Variants in DNAI7 observed in about 807,000 individuals in gnomAD.
DNAI7 encodes cancer susceptibility 1.
Under a neutral mutation model 86.6 loss-of-function variants are expected in DNAI7, and 78 were observed. That is an observed-to-expected ratio of 0.90 (90% confidence interval 0.75 to 1.09). DNAI7 has a LOEUF of 1.09. DNAI7 is among the 50% of genes least tolerant of loss of function. The pLI, the probability that DNAI7 is intolerant of heterozygous loss-of-function variation, is 0.00. For synonymous variants in DNAI7, 274 were observed against 273.0 expected, an observed-to-expected ratio of 1.00 and a Z score of -0.04; for missense variants, 753 against 810.2, an observed-to-expected ratio of 0.93 and a Z score of 0.86.
intron 9 of DNAI7, among the ~76,000 whole-genome samples, chr12:25,135,485 G>A (rs1943437094): frequency 6.6e-6 from 1 of 152,180 alleles, no homozygotes; most frequent in Admixed American, 6.5e-5. Context: ...CCGGGAACAG[G>A]GGATGGGGGG....
chr12:25,153,315 G>A (rs1201371750), intron 6 of DNAI7, among the ~76,000 whole-genome samples: 2 of 152,128 alleles, frequency 1.3e-5, no homozygotes, highest in Admixed American at 1.3e-4. Context: ...CCAGCTATTG[G>A]GAGGCTGAGG....
Position 25,108,601 on chromosome 12 carries a change from C to T in DNAI7, c.2116G>A (p.Val706Ile), listed in dbSNP as rs1565603208. 1.2e-6 allele frequency: 2 copies of T among 1,613,818 alleles called. No homozygotes were observed. Among genetic ancestry groups the T allele is most frequent in the East Asian group, 2.2e-5 (1 of 44,874 alleles). Residue 706 changes from valine (V) to isoleucine (I), a missense_variant, in exon 16 of 16, where the codon GTC (valine) becomes ATC (isoleucine). By Grantham distance (29) the Val-to-Ile change is conservative. Coordinates refer to ENST00000395987, the MANE Select transcript of DNAI7 (RefSeq NM_018272.5). Reference sequence around the variant, plus strand: ...AGCAGCATGTGGCACACAGAGTTGACAAACTGACAGTTGGAACTCCTGACT... The same window carrying T: ...AGCAGCATGTGGCACACAGAGTTGATAAACTGACAGTTGGAACTCCTGACT... ...EKVRSSNCQF[V>I]NSVCHMLLST...
At chr12:25,112,563 C>T (rs1004402879) in intron 13 of DNAI7, among the ~76,000 whole-genome samples, 1 of 151,868 alleles carries the variant, frequency 6.6e-6, no homozygotes, top group Non-Finnish European at 1.5e-5. Context: ...CCCACCACCA[C>T]ACCCGGCTAA....
At chr12:25,150,700 G>C (rs145721866) in intron 6 of DNAI7, among the ~76,000 whole-genome samples, 1 of 151,724 alleles carries the variant, frequency 6.6e-6, no homozygotes, top group Non-Finnish European at 1.5e-5. Flanking sequence ...ATGCCTTCTT[G>C]CTGAAAATGG....
intron 1 of DNAI7, chr12:25,194,860 T>C: frequency 3.7e-6 from 6 of 1,611,326 alleles, no homozygotes; most frequent in Non-Finnish European, 5.1e-6. Context: ...ATCTCCCGTT[T>C]GCAGAAACTG....
intron 2 of DNAI7, among the ~76,000 whole-genome samples, chr12:25,169,865 GA>G (rs1334838698): frequency 7.3e-6 from 1 of 137,580 alleles, no homozygotes; most frequent in Non-Finnish European, 1.5e-5. Context: ...AAAAAAAAAA[GA>G]AAAAAAAGAT....
At chr12:25,147,126 T>C in intron 7 of DNAI7, 22 bp from the exon 8 acceptor site, 1 of 1,219,910 alleles carries the variant, frequency 8.2e-7, no homozygotes, top group Non-Finnish European at 1.2e-6. Context: ...AAAGAAAACA[T>C]TATAAAGGGC....
At chr12:25,140,395 C>T (rs1417537967) in intron 9 of DNAI7, among the ~76,000 whole-genome samples, 1 of 152,060 alleles carries the variant, frequency 6.6e-6, no homozygotes. Flanking sequence ...CTGCTATATA[C>T]CAACAGTGAC....
chr12:25,172,109 G>C (rs1052781464), intron 2 of DNAI7, among the ~76,000 whole-genome samples: 10 of 152,104 alleles, frequency 6.6e-5, no homozygotes, highest in Non-Finnish European at 1.5e-5. Flanking sequence ...GGAAGTGCTA[G>C]GCAGAGCAAT....
At chr12:25,180,385 T>G (rs1264748958) in intron 2 of DNAI7, among the ~76,000 whole-genome samples, 2 of 152,150 alleles carry the variant, frequency 1.3e-5, no homozygotes, top group Admixed American at 1.3e-4. Context: ...ACAGATTCAA[T>G]GCAATTCCTA....
intron 8 of DNAI7, among the ~76,000 whole-genome samples, chr12:25,146,019 T>C (rs1239077557): frequency 6.6e-6 from 1 of 151,184 alleles, no homozygotes; most frequent in Non-Finnish European, 1.5e-5. Flanking sequence ...GGTCGGGAGT[T>C]TGAGACCAGC....
At chr12:25,154,777 C>T (rs1945960525) in intron 5 of DNAI7, among the ~76,000 whole-genome samples, 1 of 152,190 alleles carries the variant, frequency 6.6e-6, no homozygotes, top group Non-Finnish European at 1.5e-5. Flanking sequence ...AAGGCCAACA[C>T]TTAGGCTAAT....
At chr12:25,116,571 C>A (rs1940153841) in intron 12 of DNAI7, among the ~76,000 whole-genome samples, 1 of 152,110 alleles carries the variant, frequency 6.6e-6, no homozygotes, top group African/African-American at 2.4e-5. Context: ...GCGATCTCAG[C>A]TCGCTACACC....
rs375543447 is a variant in DNAI7 at position 25,174,749 on chromosome 12, C to G, written c.22-13552G>C. On this transcript the variant is annotated intron_variant, in intron 2 of 15. Transcript: ENST00000395987. Reference sequence around the variant, plus strand: ...TCATATATATATGGAATATATATATCATATATATATATGATGGAATACTAC... The same window carrying G: ...TCATATATATATGGAATATATATATGATATATATATATGATGGAATACTAC... Among the ~76,000 whole-genome samples the G allele has an allele frequency of 1.1e-4, 15 of 138,696 alleles. No homozygotes were observed. In the South Asian group the frequency reaches 2.0e-3, roughly 19 times the overall value. 91.0% of individuals were successfully genotyped at this position (138,696 alleles called of 152,430 possible). A position where few individuals can be genotyped will look rare whatever the true frequency, so the allele number is the denominator to read the frequency against.
intron 6 of DNAI7, among the ~76,000 whole-genome samples, chr12:25,151,295 G>A (rs1489181932): frequency 6.6e-6 from 1 of 152,148 alleles, no homozygotes; most frequent in Non-Finnish European, 1.5e-5. Flanking sequence ...TATTTCCAAA[G>A]CTTGGCATAG....
At chr12:25,126,081 T>C (rs1252401234) in intron 9 of DNAI7, among the ~76,000 whole-genome samples, 1 of 152,078 alleles carries the variant, frequency 6.6e-6, no homozygotes, top group African/African-American at 2.4e-5. Context: ...TATTGAAAGA[T>C]AATTATTAAT....
rs1022013322 is a variant in DNAI7 at position 25,194,815 on chromosome 12, A to T, written c.3+261T>A. On this transcript the variant is annotated intron_variant, in intron 1 of 15. Coordinates refer to ENST00000395987, the MANE Select transcript of DNAI7 (RefSeq NM_018272.5). ...GGGACCAATTTTCAAGCTTAGCAACATTCGAGATCAGGATACCGTGTGACA... is the reference window on the plus strand; with the variant it reads ...GGGACCAATTTTCAAGCTTAGCAACTTTCGAGATCAGGATACCGTGTGACA... 17 of 1,493,696 alleles carry T rather than the reference A, an allele frequency of 1.1e-5. No homozygotes were observed. In the Middle Eastern group the frequency reaches 9.9e-4, roughly 87 times the overall value. The allele number at this position is 1,493,696 out of a possible 1,614,324, so 92.5% of individuals were successfully genotyped here.
Position 25,158,609 on chromosome 12 carries a change from A to T in DNAI7, c.107-46T>A, listed in dbSNP as rs185152706. 642 of 1,565,248 alleles carry T rather than the reference A, an allele frequency of 4.1e-4. 6 individuals carry two copies. Among genetic ancestry groups the T allele is most frequent in the South Asian group, 3.9e-3 (338 of 86,406 alleles). ...TTTTTCTCAGTGAATAGATCACTGTATTTTTAAGCCCTTAAAATTACTCCT... is the reference window on the plus strand; with the variant it reads ...TTTTTCTCAGTGAATAGATCACTGTTTTTTTAAGCCCTTAAAATTACTCCT... On this transcript the variant is annotated intron_variant, in intron 3 of 15. Coordinates refer to ENST00000395987, the MANE Select transcript of DNAI7 (RefSeq NM_018272.5).
chr12:25,139,133 T>C (rs1943899723), intron 9 of DNAI7, among the ~76,000 whole-genome samples: 1 of 151,880 alleles, frequency 6.6e-6, no homozygotes, highest in South Asian at 2.1e-4. Context: ...CCTGGAAATA[T>C]ACACCTCTCC....
Sources: allele counts gnomAD v4.1 joint callset (sites outside exome capture counted in the v4.1 genomes callset), GRCh38; gene constraint gnomAD v4.1.1; transcripts MANE v1.5; gene names NCBI Gene and HGNC (gene_info 2026-07-23, HGNC 2026-07-21).